CLN6: variants seen among roughly 807,000 people sequenced by gnomAD.
CLN6 encodes CLN6 transmembrane ER protein, also known as ceroid-lipofuscinosis neuronal protein 6.
A neutral mutation model predicts 33.3 loss-of-function variants in CLN6; 22 were observed. The ratio of observed to expected loss-of-function variants is 0.66; its 90% confidence interval spans 0.47 to 0.94. CLN6 has a LOEUF of 0.94. Ranked by LOEUF, CLN6 falls within the 40% of genes least tolerant of loss-of-function variation. The pLI, the probability that CLN6 is intolerant of heterozygous loss-of-function variation, is 0.00. For synonymous variants in CLN6, 201 were observed against 174.6 expected (o/e 1.15, Z -1.19); for missense variants, 387 against 417.1 (o/e 0.93, Z 0.63).
In CLN6 at chr15:68,209,178, C is replaced by G. The variant is rs1281469512; in HGVS notation, c.665+459G>C. Among the ~76,000 whole-genome samples, 1 of 152,212 alleles carries G rather than the reference C, an allele frequency of 6.6e-6. No individual in the cohort carries two copies. The highest frequency in any genetic ancestry group is 6.5e-5 in the Admixed American group (1 of 15,286). ...ACGCCATGAAACCCCCCAGTCTGGCCTCGCCATAGTGCTTTACATTTGACA... is the reference window on the plus strand; with the variant it reads ...ACGCCATGAAACCCCCCAGTCTGGCGTCGCCATAGTGCTTTACATTTGACA... On this transcript the variant is annotated intron_variant, in intron 6 of 6. Transcript: ENST00000249806. The surrounding 1 kb of genome is among the most constrained non-coding windows in gnomAD (Gnocchi z 4.9).
rs891059178 is a variant in CLN6 at position 68,254,022 on chromosome 15, C to T, written c.179+2668G>A. ...CCTCCCGAGCAGCTGGGACTACAGG[C>T]GCCCACCACCGCGCCCGGCTAATTT... is the stretch of plus-strand genomic sequence containing the variant. On this transcript the variant is annotated intron_variant, in intron 1 of 6. Transcript: ENST00000538696. Among the ~76,000 whole-genome samples, 6 of 151,992 alleles carry T rather than the reference C, an allele frequency of 3.9e-5. No individual in the cohort carries two copies. In the East Asian group the frequency reaches 9.6e-4, roughly 24 times the overall value.
intron 2 of CLN6, 110 bp from the exon 3 acceptor site, chr15:68,214,498 A>AC (rs1438840598): frequency 4.8e-6 from 3 of 623,810 alleles, no homozygotes; most frequent in Non-Finnish European, 8.4e-6. Context: ...TTCACCCCCC[A>AC]CCCCATCATG....
rs971420018 is a variant in CLN6, at chr15:68,229,618, C to T, written c.-34G>A. On this transcript the variant is annotated 5_prime_UTR_variant, in exon 1 of 7. Coordinates refer to ENST00000249806, the MANE Select transcript of CLN6 (RefSeq NM_017882.3). ...CGCAGGCCCCTCGGCCCTGCCTTTC[C>T]GAGGAAGAGACCGGTTCAGCTCGGC... The T allele has an allele frequency of 1.4e-6, 2 of 1,439,824 alleles. No homozygotes were observed. Among genetic ancestry groups the T allele is most frequent in the African/African-American group, 3.0e-5 (2 of 67,498 alleles). The allele number at this position is 1,439,824 out of a possible 1,614,324, so 89.2% of individuals were successfully genotyped here. A position where few individuals can be genotyped will look rare whatever the true frequency, so the allele number is the denominator to read the frequency against.
In CLN6 at chr15:68,208,577, AT is replaced by A. The variant is rs1463228384; in HGVS notation, c.666-168del. On this transcript the variant is annotated intron_variant, in intron 6 of 6. Coordinates refer to ENST00000249806, the MANE Select transcript of CLN6 (RefSeq NM_017882.3). This position sits in a 1 kb window ranked among gnomAD's most constrained non-coding sequence, Gnocchi z 5.8. Reference sequence around the variant, plus strand: ...CTAAGCCACAGCCCATGGGCAGCATATTGATTTAGCTGGTATAGTTACTGTT... The same window carrying A: ...CTAAGCCACAGCCCATGGGCAGCATATGATTTAGCTGGTATAGTTACTGTT... Among the ~76,000 whole-genome samples, 1 of 152,202 alleles carries A rather than the reference AT, an allele frequency of 6.6e-6. No individual in the cohort carries two copies. Among genetic ancestry groups the A allele is most frequent in the Non-Finnish European group, 1.5e-5 (1 of 68,026 alleles).
chr15:68,211,345 T>A lies in CLN6; in HGVS notation c.487-27A>T. The A allele has an allele frequency of 6.2e-7, 1 of 1,612,694 alleles. No homozygotes were observed. The highest frequency in any genetic ancestry group is 8.5e-7 in the Non-Finnish European group (1 of 1,179,310). On this transcript the variant is annotated intron_variant, in intron 4 of 6. Transcript: ENST00000249806. The surrounding 1 kb of genome is among the most constrained non-coding windows in gnomAD (Gnocchi z 5.9). ...TGAGGGAGGAACGGGCAGGGCAGAG[T>A]CGGGGGATGTCGATGTCAGTCCAGG...
In CLN6 at chr15:68,209,063, G is replaced by A. The variant is rs1324897094; in HGVS notation, c.665+574C>T. 3.3e-5 allele frequency among the ~76,000 whole-genome samples: 5 copies of A among 152,202 alleles called. No individual in the cohort carries two copies. Among genetic ancestry groups the A allele is most frequent in the African/African-American group, 1.2e-4 (5 of 41,462 alleles). On this transcript the variant is annotated intron_variant, in intron 6 of 6. Coordinates refer to ENST00000249806, the MANE Select transcript of CLN6 (RefSeq NM_017882.3). The surrounding 1 kb of genome is among the most constrained non-coding windows in gnomAD (Gnocchi z 4.9). Reference sequence around the variant, plus strand: ...TGTCTCCAGGGCAGAAGTGACAGACGAGGGCTAGGAGACTGGCTGAGGCCT... The same window carrying A: ...TGTCTCCAGGGCAGAAGTGACAGACAAGGGCTAGGAGACTGGCTGAGGCCT...
In CLN6 at chr15:68,256,205, C is replaced by G. The variant is rs1315878028; in HGVS notation, c.179+485G>C. Among the ~76,000 whole-genome samples, 2 of 151,526 alleles carry G rather than the reference C, an allele frequency of 1.3e-5. No individual in the cohort carries two copies. The highest frequency in any genetic ancestry group is 2.4e-5 in the African/African-American group (1 of 41,170). On this transcript the variant is annotated intron_variant, in intron 1 of 6. Coordinates refer to the CLN6 transcript ENST00000538696. The surrounding 1 kb of genome is among the most constrained non-coding windows in gnomAD (Gnocchi z 4.1). ...CACTGCAACCTCTGCCTCCCAGGTT[C>G]AAGCGATTCTCTTGCCTCAGCCTCC...
chr15:68,229,425 A>T, intron 1 of CLN6, 77 bp downstream of exon 1: 2 of 1,174,916 alleles, frequency 1.7e-6, no homozygotes, highest in Non-Finnish European at 2.3e-6. Flanking sequence ...CGGCAGCCCT[A>T]GGAGCGTCAC....
Position 68,234,930 on chromosome 15 carries a change from T to C in CLN6, c.180-16280A>G, listed in dbSNP as rs1266223054. ...TACTCGGGAGGCTGAGGCAGGAGAATTGCTTGAACCCGGGAGACGGAAGTT... is the reference window on the plus strand; with the variant it reads ...TACTCGGGAGGCTGAGGCAGGAGAACTGCTTGAACCCGGGAGACGGAAGTT... On this transcript the variant is annotated intron_variant, in intron 1 of 6. Transcript: ENST00000538696. The surrounding 1 kb of genome is among the most constrained non-coding windows in gnomAD (Gnocchi z 4.1). Among the ~76,000 whole-genome samples, 2 of 152,108 alleles carry C rather than the reference T, an allele frequency of 1.3e-5. No homozygotes were observed. The highest frequency in any genetic ancestry group is 2.4e-5 in the African/African-American group (1 of 41,402).
rs35627684 is a variant in CLN6 at position 68,219,307 on chromosome 15, T to C, written c.84-657A>G. Among the ~76,000 whole-genome samples the C allele has an allele frequency of 0.55, 83,623 of 151,888 alleles. 23,589 individuals carry two copies. Among genetic ancestry groups the C allele is most frequent in the African/African-American group, 0.61 (25,264 of 41,394 alleles). ...ATCAGAGCCCTCCAATGAAATGTGCTTTAGAGAGACTGAAATGGATAGGGC... is the reference window on the plus strand; with the variant it reads ...ATCAGAGCCCTCCAATGAAATGTGCCTTAGAGAGACTGAAATGGATAGGGC... On this transcript the variant is annotated intron_variant, in intron 1 of 6. Transcript: ENST00000249806. The surrounding 1 kb of genome is among the most constrained non-coding windows in gnomAD (Gnocchi z 4.2).
At chr15:68,222,155 GAGGAGCCCCTC>G in intron 1 of CLN6, among the ~76,000 whole-genome samples, 1 of 148,004 alleles carries the variant, frequency 6.8e-6, no homozygotes, top group African/African-American at 2.5e-5. Flanking sequence ...TCTGGGAGGT[GAGGAGCCCCTC>G]TGCCCGGCCG....
Position 68,219,187 on chromosome 15 carries a change from G to A in CLN6, c.84-537C>T, listed in dbSNP as rs1288380560. Among the ~76,000 whole-genome samples the A allele has an allele frequency of 1.2e-4, 18 of 152,186 alleles. No individual in the cohort carries two copies. Among genetic ancestry groups the A allele is most frequent in the Admixed American group, 1.2e-3 (18 of 15,286 alleles). The stretch of plus-strand genomic sequence containing the variant: ...CACAGCTAAGGATTTGAACCCAAAT[G>A]ATTGGGCTCCTGAGCTTATACTTTT... On this transcript the variant is annotated intron_variant, in intron 1 of 6. Transcript: ENST00000249806. This position sits in a 1 kb window ranked among gnomAD's most constrained non-coding sequence, Gnocchi z 4.2.
chr15:68,214,503 A>G lies in CLN6; in HGVS notation c.199-115T>C, dbSNP rs568372670. 126 of 628,044 alleles carry G rather than the reference A, an allele frequency of 2.0e-4. 1 individual carries two copies. The highest frequency in any genetic ancestry group is 1.9e-3 in the South Asian group (125 of 64,444). The allele number at this position is 628,044 out of a possible 1,614,324, so 38.9% of individuals were successfully genotyped here. A position where few individuals can be genotyped will look rare whatever the true frequency, so the allele number is the denominator to read the frequency against. On this transcript the variant is annotated intron_variant, in intron 2 of 6. Transcript: ENST00000249806. The stretch of plus-strand genomic sequence containing the variant: ...CCCAACTCCTTTCACCCCCCACCCC[A>G]TCATGTACACTTAATTCTTCCTGTG...
Position 68,211,806 on chromosome 15 carries a change from T to C in CLN6, c.355A>G (p.Ile119Val), listed in dbSNP as rs759241838. 1.1e-5 allele frequency: 17 copies of C among 1,613,598 alleles called. No individual in the cohort carries two copies. The highest frequency in any genetic ancestry group is 1.4e-5 in the Non-Finnish European group (16 of 1,179,968). ...PRSITYVSII[I>V]FIMGASIHLV... The stretch of plus-strand genomic sequence containing the variant: ...TGGATGCTGGCACCCATGATGAAGA[T>C]GATGATGCTCACGTACGTGATGGAG... The change falls in exon 4 of 7, where the codon ATC becomes GTC. Residue 119 changes from isoleucine (I) to valine (V), a missense_variant. Coordinates refer to ENST00000249806, the MANE Select transcript of CLN6 (RefSeq NM_017882.3). The surrounding 1 kb of genome is among the most constrained non-coding windows in gnomAD (Gnocchi z 5.9).
chr15:68,237,188 A>AG (rs1014278931), intron 1 of CLN6, among the ~76,000 whole-genome samples: 1 of 147,224 alleles, frequency 6.8e-6, no homozygotes, highest in African/African-American at 2.5e-5. Context: ...AAAAAAAAAA[A>AG]ACTGAATGGA....
rs144966665 is a variant in CLN6, at chr15:68,210,200, A to AT, written c.543-442_543-441insA. On this transcript the variant is annotated intron_variant, in intron 5 of 6. Coordinates refer to ENST00000249806, the MANE Select transcript of CLN6 (RefSeq NM_017882.3). This position sits in a 1 kb window ranked among gnomAD's most constrained non-coding sequence, Gnocchi z 5.6. ...GTGAAGCACTGCACCCACTCTCAGC[A>AT]CACAGCCCCACCCCCACCTCAGACA... is the stretch of plus-strand genomic sequence containing the variant. 1.9e-3 allele frequency among the ~76,000 whole-genome samples: 290 copies of AT among 152,050 alleles called. 14 individuals carry two copies. In the East Asian group the frequency reaches 0.053, roughly 28 times the overall value.
At position 68,209,514 on chromosome 15, in the gene CLN6, C is replaced by T; in HGVS notation, c.665+123G>A. 7.4e-7 allele frequency: 1 copy of T among 1,352,556 alleles called. No individual in the cohort carries two copies. The highest frequency in any genetic ancestry group is 1.0e-6 in the Non-Finnish European group (1 of 960,898). 83.8% of individuals were successfully genotyped at this position (1,352,556 alleles called of 1,614,324 possible). On this transcript the variant is annotated intron_variant, in intron 6 of 6. Transcript: ENST00000249806. The surrounding 1 kb of genome is among the most constrained non-coding windows in gnomAD (Gnocchi z 4.9). ...AGTCCCCACTAGACACAAGAAGAAG[C>T]ACGGGCCCAAAGAGGGCCAGTCTCC...
Position 68,220,532 on chromosome 15 carries a change from G to A in CLN6, c.84-1882C>T, listed in dbSNP as rs1001280072. 6.6e-6 allele frequency among the ~76,000 whole-genome samples: 1 copy of A among 152,230 alleles called. No individual in the cohort carries two copies. The highest frequency in any genetic ancestry group is 1.5e-5 in the Non-Finnish European group (1 of 68,048). ...AGAGCTCCTTCCTTTATAGTGCTGG[G>A]TTCTAAGGGTGCAAGCCCAGGACTG... is the stretch of plus-strand genomic sequence containing the variant. On this transcript the variant is annotated intron_variant, in intron 1 of 6. Coordinates refer to ENST00000249806, the MANE Select transcript of CLN6 (RefSeq NM_017882.3). The surrounding 1 kb of genome is among the most constrained non-coding windows in gnomAD (Gnocchi z 4.2).
At chr15:68,233,300 CG>C (rs1054623365), upstream of CLN6, among the ~76,000 whole-genome samples, 8 of 13,706 alleles carry the variant, frequency 5.8e-4, no homozygotes, top group African/African-American at 8.7e-4. The surrounding 1 kb of genome is among the most constrained non-coding windows in gnomAD (Gnocchi z 4.3). Flanking sequence ...GAAACACCTA[CG>C]GGGGGGTGGG....
Sources: gnomAD v4.1 joint callset for allele counts (sites outside exome capture counted in the v4.1 genomes callset) on GRCh38, gnomAD v4.1.1 for gene constraint, Gnocchi (gnomAD v3.1) non-coding constraint, MANE v1.5 for transcripts, NCBI Gene and HGNC (gene_info 2026-07-23, HGNC 2026-07-21) for gene names.